The following MYOM1 variants were observed in gnomAD, a reference collection of about 807,000 sequenced individuals.
MYOM1 encodes the protein myomesin 1.
Under a neutral mutation model 205.3 loss-of-function variants are expected in MYOM1, and 164 were observed. The ratio of observed to expected loss-of-function variants is 0.80; its 90% CI spans 0.70 to 0.91. The LOEUF is 0.91. Among genes scored for constraint, MYOM1 ranks in the 40% least tolerant of loss-of-function variants. The probability of loss-of-function intolerance (pLI) is 0.00; values close to 1 mark genes in which losing one functional copy is unlikely to be tolerated. For synonymous variants in MYOM1, 772 were observed against 789.4 expected (o/e 0.98, Z 0.37); for missense variants, 2,011 against 2,127.3 (o/e 0.95, Z 1.08).
chr18:3,230,515 A>G, the MYOM1 span, among the ~76,000 whole-genome samples: 1 of 152,248 alleles, frequency 6.6e-6, no homozygotes, highest in African/African-American at 2.4e-5. Context: ...TTTCATTTGC[A>G]TAGTAGTATA....
chr18:3,241,426 C>A, the MYOM1 span, among the ~76,000 whole-genome samples: 1 of 152,202 alleles, frequency 6.6e-6, no homozygotes, highest in African/African-American at 2.4e-5. Flanking sequence ...GGTGCAAGAC[C>A]CAAGCCTTGG....
chr18:3,203,536 T>C (rs1310623753), intron 2 of MYOM1, among the ~76,000 whole-genome samples: 1 of 151,704 alleles, frequency 6.6e-6, no homozygotes, highest in Non-Finnish European at 1.5e-5. Flanking sequence ...TTAGACAAAA[T>C]AGGAAAATTC....
Position 3,152,687 on chromosome 18 carries a change from C to CT in MYOM1, c.1644-795dup, listed in dbSNP as rs35610931. Among the ~76,000 whole-genome samples the CT allele has an allele frequency of 0.22, 33,065 of 151,990 alleles. 3,773 individuals are homozygous for CT. The highest frequency in any genetic ancestry group is 0.27 in the African/African-American group (11,150 of 41,422). On this transcript the variant is annotated intron_variant, in intron 11 of 37. Coordinates refer to ENST00000356443, the MANE Select transcript of MYOM1 (RefSeq NM_003803.4). The surrounding 1 kb of genome is among the most constrained non-coding windows in gnomAD (Gnocchi z 4.3). ...ACAGATTAGGATTAAGCAGCTCTTA[C>CT]TTTTTTTATGAGCAGAGTGCTGTAC...
intron 2 of MYOM1, among the ~76,000 whole-genome samples, chr18:3,202,350 A>AC (rs2081079493): frequency 1.4e-5 from 2 of 139,858 alleles, no homozygotes; most frequent in Non-Finnish European, 3.0e-5. Context: ...AGCAAACGTA[A>AC]ATGGAATAAA....
intron 10 of MYOM1, among the ~76,000 whole-genome samples, chr18:3,155,449 C>T (rs946742752): frequency 5.3e-5 from 8 of 152,336 alleles, no homozygotes; most frequent in Admixed American, 2.0e-4. Context: ...TGGTCTTGAT[C>T]TCCTGACCTT....
At chr18:3,246,141 T>G in the MYOM1 span, 1 of 152,276 alleles carries the variant, frequency 6.6e-6, no homozygotes. Context: ...GTCCGTTTCT[T>G]TCTGCTCTAA....
At chr18:3,127,722 T>C (rs1311084114) in intron 18 of MYOM1, among the ~76,000 whole-genome samples, 2 of 152,212 alleles carry the variant, frequency 1.3e-5, no homozygotes, top group Non-Finnish European at 2.9e-5. Context: ...AAATTTACTC[T>C]AGAGCTCAGC....
chr18:3,189,528 T>C lies in MYOM1; in HGVS notation c.432-441A>G, dbSNP rs141199668. ...CTCCTGCTACCATGCCTGGCTAATA[T>C]TTTGTAATTTTAGTAGAGACAGGGT... On this transcript the variant is annotated intron_variant, in intron 3 of 37. Transcript: ENST00000356443. The surrounding 1 kb of genome is among the most constrained non-coding windows in gnomAD (Gnocchi z 4.8). Among the ~76,000 whole-genome samples, 1 of 152,212 alleles carries C rather than the reference T, an allele frequency of 6.6e-6. No homozygotes were observed. The highest frequency in any genetic ancestry group is 1.9e-4 in the East Asian group (1 of 5,176).
chr18:3,195,220 C>T (rs1394283538), intron 2 of MYOM1, among the ~76,000 whole-genome samples: 1 of 152,208 alleles, frequency 6.6e-6, no homozygotes, highest in African/African-American at 2.4e-5. Flanking sequence ...CTTGAATCCT[C>T]CAGGGAGGTC....
intron 33 of MYOM1, among the ~76,000 whole-genome samples, chr18:3,080,337 C>T (rs1223352383): frequency 3.3e-5 from 5 of 151,874 alleles, no homozygotes; most frequent in Middle Eastern, 3.4e-3. Flanking sequence ...GCATGTCTTA[C>T]GTCTGTTGTA....
intron 33 of MYOM1, among the ~76,000 whole-genome samples, chr18:3,079,946 A>G (rs961216825): frequency 6.6e-6 from 1 of 152,222 alleles, no homozygotes; most frequent in Non-Finnish European, 1.5e-5. Flanking sequence ...AGAATTCTAC[A>G]GTAGGTCATG....
Position 3,067,363 on chromosome 18 carries a change from C to A in MYOM1, c.4957G>T (p.Gly1653Cys). 6.2e-7 allele frequency: 1 copy of A among 1,612,794 alleles called. No individual in the cohort carries two copies. The highest frequency in any genetic ancestry group is 8.5e-7 in the Non-Finnish European group (1 of 1,179,900). The stretch of plus-strand genomic sequence containing the variant: ...ACGGTGAAGTCGCTGGTCTCCGAGC[C>A]ATACTTGTTCTTCACAACCAGCCCG... ...KYGLVVKNKY[G>C]SETSDFTVSV... The change falls in exon 38 of 38, where the codon GGC (glycine) becomes TGC (cysteine). Residue 1653 changes from glycine to cysteine, a missense_variant. Coordinates refer to ENST00000356443, the MANE Select transcript of MYOM1 (RefSeq NM_003803.4).
Position 3,193,361 on chromosome 18 carries a change from T to TACATATATATAC in MYOM1, c.431+456_431+457insGTATATATATGT, listed in dbSNP as rs1598758731. Among the ~76,000 whole-genome samples, 39 of 135,906 alleles carry TACATATATATAC rather than the reference T, an allele frequency of 2.9e-4. 1 individual carries two copies. Among genetic ancestry groups the TACATATATATAC allele is most frequent in the East Asian group, 2.3e-3 (11 of 4,714 alleles). The allele number at this position is 135,906 out of a possible 152,430, so 89.2% of individuals were successfully genotyped here. A position where few individuals can be genotyped will look rare whatever the true frequency, so the allele number is the denominator to read the frequency against. ...ATGTACATATACATATATATATATA[T>TACATATATATAC]ACACACACACACACACACACAATAA... On this transcript the variant is annotated intron_variant, in intron 3 of 37. Coordinates refer to ENST00000356443, the MANE Select transcript of MYOM1 (RefSeq NM_003803.4).
intron 2 of MYOM1, among the ~76,000 whole-genome samples, chr18:3,197,687 C>T (rs979504116): frequency 3.3e-5 from 5 of 151,840 alleles, no homozygotes; most frequent in South Asian, 2.1e-4. Flanking sequence ...TCCTAGCTAA[C>T]ATGGTGAAAC....
chr18:3,169,548 G>A (rs554726543), intron 8 of MYOM1, among the ~76,000 whole-genome samples: 4 of 152,210 alleles, frequency 2.6e-5, no homozygotes, highest in Admixed American at 6.5e-5. Context: ...ACCGGTATAC[G>A]GAAAAATGCT....
the MYOM1 span, among the ~76,000 whole-genome samples, chr18:3,239,270 T>C: frequency 1.3e-5 from 2 of 152,188 alleles, no homozygotes; most frequent in East Asian, 3.9e-4. Context: ...AGTTCCTCTC[T>C]AGTTAGCAGG....
chr18:3,194,354 A>G (rs1307324727), intron 2 of MYOM1, among the ~76,000 whole-genome samples: 7 of 152,238 alleles, frequency 4.6e-5, no homozygotes, highest in African/African-American at 1.4e-4. Flanking sequence ...TTTAAAATGC[A>G]TACTTTTCTA....
rs202108736 is a variant in MYOM1 at position 3,183,901 on chromosome 18, TTCTC to T, written c.929+3575_929+3578del. Among the ~76,000 whole-genome samples, 21 of 148,422 alleles carry T rather than the reference TTCTC, an allele frequency of 1.4e-4. 1 individual carries two copies. The East Asian group carries it at 1.7e-3, about 12-fold the overall frequency. On this transcript the variant is annotated intron_variant, in intron 5 of 37. Coordinates refer to ENST00000356443, the MANE Select transcript of MYOM1 (RefSeq NM_003803.4). The stretch of plus-strand genomic sequence containing the variant: ...TAGCACTCCAGTGAATCATTTTTCG[TTCTC>T]TCTCTTTTTTTTTTTTTTGAGACAG...
intron 22 of MYOM1, among the ~76,000 whole-genome samples, chr18:3,107,369 G>A (rs2079465592): frequency 1.3e-5 from 2 of 152,106 alleles, no homozygotes; most frequent in Admixed American, 6.6e-5. Context: ...CACCCACCTT[G>A]GCCTCCCAAA....
Sources: gnomAD v4.1 joint callset for allele counts (sites outside exome capture counted in the v4.1 genomes callset) on GRCh38, gnomAD v4.1.1 for gene constraint, Gnocchi (gnomAD v3.1) non-coding constraint, MANE v1.5 for transcripts, NCBI Gene and HGNC (gene_info 2026-07-23, HGNC 2026-07-21) for gene names.